Variants in WWP2 observed in about 807,000 individuals in gnomAD.
WWP2 encodes the protein NEDD4-like E3 ubiquitin-protein ligase WWP2.
Under a neutral mutation model 121.0 loss-of-function variants are expected in WWP2, and 57 were observed. That is an observed-to-expected ratio of 0.47 (90% CI 0.38 to 0.59). WWP2 has a LOEUF of 0.59. WWP2 is among the 20% of genes least tolerant of loss of function. The pLI, the probability that WWP2 is intolerant of heterozygous loss-of-function variation, is 0.00. For synonymous variants in WWP2, 449 were observed against 441.3 expected (o/e 1.02, Z -0.22); for missense variants, 962 against 1,158.9 (o/e 0.83, Z 2.47).
At chr16:69,795,581 G>T (rs545739645) in intron 2 of WWP2, among the ~76,000 whole-genome samples, 2 of 150,362 alleles carry the variant, frequency 1.3e-5, no homozygotes, top group African/African-American at 4.9e-5. Context: ...ATAACAATTG[G>T]TGAAGAGTAT....
In WWP2 at chr16:69,844,750, T is replaced by A. The variant is rs184291299; in HGVS notation, c.575+2630T>A. ...TGGTGAGCAAGGTACCTTCCGATAGTGTAAGCCTTATCGGAGTCCTCTGCA... is the reference window on the plus strand; with the variant it reads ...TGGTGAGCAAGGTACCTTCCGATAGAGTAAGCCTTATCGGAGTCCTCTGCA... On this transcript the variant is annotated intron_variant, in intron 6 of 23. Transcript: ENST00000359154. Among the ~76,000 whole-genome samples the A allele has an allele frequency of 1.4e-4, 22 of 152,336 alleles. No individual in the cohort carries two copies. In the East Asian group the frequency reaches 1.9e-3, roughly 13 times the overall value.
chr16:69,903,741 C>G (rs1167880629), intron 8 of WWP2, among the ~76,000 whole-genome samples: 1 of 148,018 alleles, frequency 6.8e-6, no homozygotes, highest in East Asian at 2.0e-4. Context: ...GCCCTCCAGC[C>G]TGGCGACAGA....
At chr16:69,909,401 C>A (rs2058348011) in intron 9 of WWP2, 3 of 985,880 alleles carry the variant, frequency 3.0e-6, no homozygotes, top group Non-Finnish European at 3.6e-6. Context: ...CACACTTCCC[C>A]TGCCCTGAGT....
chr16:69,935,999 C>T lies in WWP2; in HGVS notation c.1976+13C>T. On this transcript the variant is annotated intron_variant, in intron 18 of 23. Transcript: ENST00000359154. This position sits in a 1 kb window ranked among gnomAD's most constrained non-coding sequence, Gnocchi z 5.2. ...TTGTCTGGATCAAGTGAGTTCCCTG[C>T]CCCCTTGCCCCACCGCGCTGATAGG... 2 of 1,612,666 alleles carry T rather than the reference C, an allele frequency of 1.2e-6. No individual in the cohort carries two copies. The highest frequency in any genetic ancestry group is 1.7e-6 in the Non-Finnish European group (2 of 1,179,396).
chr16:69,830,037 G>A (rs531499382), intron 4 of WWP2, among the ~76,000 whole-genome samples: 40 of 151,326 alleles, frequency 2.6e-4, no homozygotes, highest in African/African-American at 9.0e-4. Context: ...TCATTGCAGC[G>A]TTCGCCTCCT....
chr16:69,879,073 A>G (rs2057781457), intron 7 of WWP2, among the ~76,000 whole-genome samples: 1 of 152,136 alleles, frequency 6.6e-6, no homozygotes, highest in Admixed American at 6.5e-5. Flanking sequence ...CTCATTTACT[A>G]GTTGCTTAAC....
At chr16:69,891,078 C>T (rs755616892) in intron 8 of WWP2, among the ~76,000 whole-genome samples, 3 of 152,090 alleles carry the variant, frequency 2.0e-5, no homozygotes, top group Non-Finnish European at 4.4e-5. Flanking sequence ...TGACTCGGGG[C>T]CTGGAGATCG....
intron 9 of WWP2, among the ~76,000 whole-genome samples, chr16:69,914,630 G>C (rs1216030221): frequency 6.6e-6 from 1 of 152,074 alleles, no homozygotes; most frequent in Non-Finnish European, 1.5e-5. Flanking sequence ...GGTGGTGCGT[G>C]CCTGTAGTCC....
chr16:69,935,755 G>C lies in WWP2; in HGVS notation c.1843-98G>C. 1 of 1,506,386 alleles carries C rather than the reference G, an allele frequency of 6.6e-7. No individual in the cohort carries two copies. Among genetic ancestry groups the C allele is most frequent in the Non-Finnish European group, 8.9e-7 (1 of 1,123,782 alleles). 93.3% of individuals were successfully genotyped at this position (1,506,386 alleles called of 1,614,324 possible). On this transcript the variant is annotated intron_variant, in intron 17 of 23. Coordinates refer to ENST00000359154, the MANE Select transcript of WWP2 (RefSeq NM_001270454.2). The surrounding 1 kb of genome is among the most constrained non-coding windows in gnomAD (Gnocchi z 5.2). ...TGTAGTTCTGTCAGGGAAGGAAGGC[G>C]GGTAGCGGTAGCAGAGTTTGATACC... is the stretch of plus-strand genomic sequence containing the variant.
rs372377821 is a variant in WWP2 at position 69,881,378 on chromosome 16, C to T, written c.704-6661C>T. On this transcript the variant is annotated intron_variant, in intron 7 of 23. Coordinates refer to ENST00000359154, the MANE Select transcript of WWP2 (RefSeq NM_001270454.2). ...AGTGAAATGGGAATAATAATATCTT[C>T]CTCATAAGGGCATTGGGAGGATCAA... is the stretch of plus-strand genomic sequence containing the variant. Among the ~76,000 whole-genome samples, 56 of 152,310 alleles carry T rather than the reference C, an allele frequency of 3.7e-4. No homozygotes were observed. The South Asian group carries it at 0.012, about 32-fold the overall frequency.
chr16:69,940,045 G>C lies in WWP2; in HGVS notation c.*105G>C. ...CCCTTGGGAGGCCCCCGTGGATGTG[G>C]CCCTGTGTGGGACCACACTGTCATC... is the stretch of plus-strand genomic sequence containing the variant. On this transcript the variant is annotated 3_prime_UTR_variant, in exon 24 of 24. Coordinates refer to ENST00000359154, the MANE Select transcript of WWP2 (RefSeq NM_001270454.2). 1 of 906,472 alleles carries C rather than the reference G, an allele frequency of 1.1e-6. No individual in the cohort carries two copies. The highest frequency in any genetic ancestry group is 1.7e-6 in the Non-Finnish European group (1 of 596,734). The allele number at this position is 906,472 out of a possible 1,614,324, so 56.2% of individuals were successfully genotyped here.
Position 69,935,955 on chromosome 16 carries a change from C to A in WWP2, c.1945C>A (p.Pro649Thr). The change falls in exon 18 of 24, where the codon CCT becomes ACT. Residue 649 changes from proline (P) to threonine (T), a missense_variant. By Grantham distance (38) the Pro-to-Thr change is conservative (BLOSUM62 -1). Coordinates refer to ENST00000359154, the MANE Select transcript of WWP2 (RefSeq NM_001270454.2). The surrounding 1 kb of genome is among the most constrained non-coding windows in gnomAD (Gnocchi z 5.2). ...PTLKDLESID[P>T]EFYNSIVWIK... Reference sequence around the variant, plus strand: ...CCTGAAAGACCTGGAGTCCATTGACCCTGAGTTCTACAACTCCATTGTCTG... The same window carrying A: ...CCTGAAAGACCTGGAGTCCATTGACACTGAGTTCTACAACTCCATTGTCTG... 6.2e-7 allele frequency: 1 copy of A among 1,614,044 alleles called. No individual in the cohort carries two copies.
At chr16:69,781,156 G>T (rs772183729) in intron 1 of WWP2, among the ~76,000 whole-genome samples, 1 of 151,966 alleles carries the variant, frequency 6.6e-6, no homozygotes, top group Admixed American at 6.6e-5. Flanking sequence ...ACTGAGATGG[G>T]AGTCTGTCTG....
At chr16:69,786,376 C>T (rs1435476196) in intron 1 of WWP2, among the ~76,000 whole-genome samples, 1 of 151,190 alleles carries the variant, frequency 6.6e-6, no homozygotes, top group Non-Finnish European at 1.5e-5. Context: ...GAACTCCCAA[C>T]CCTGTAATCC....
intron 1 of WWP2, among the ~76,000 whole-genome samples, chr16:69,778,570 T>C (rs1470164597): frequency 2.0e-5 from 3 of 152,052 alleles, no homozygotes; most frequent in African/African-American, 7.2e-5. Flanking sequence ...TTAGGAACCT[T>C]GTCTAAGATG....
rs1225873653 is a variant in WWP2, at chr16:69,937,708, C to T, written c.2343+56C>T. ...CATTTGGGCCATCAACCAAAGGAAACGGGTCCTGAGGAGGCCTCACGCGCA... is the reference window on the plus strand; with the variant it reads ...CATTTGGGCCATCAACCAAAGGAAATGGGTCCTGAGGAGGCCTCACGCGCA... On this transcript the variant is annotated intron_variant, in intron 21 of 23. Coordinates refer to ENST00000359154, the MANE Select transcript of WWP2 (RefSeq NM_001270454.2). This position sits in a 1 kb window ranked among gnomAD's most constrained non-coding sequence, Gnocchi z 6.6. 3.2e-6 allele frequency: 5 copies of T among 1,581,474 alleles called. No individual in the cohort carries two copies. Among genetic ancestry groups the T allele is most frequent in the South Asian group, 1.1e-5 (1 of 89,698 alleles).
At position 69,875,573 on chromosome 16, in the gene WWP2, C is replaced by G. The variant is rs572844364; in HGVS notation, c.703+3642C>G. Among the ~76,000 whole-genome samples the G allele has an allele frequency of 4.0e-4, 61 of 152,360 alleles. 1 individual carries two copies. The highest frequency in any genetic ancestry group is 1.5e-3 in the African/African-American group (61 of 41,584). ...TCAAACTTTGCTGCAGCTTTATCAA[C>G]TAAGTATATGGAATATTCTAAATCC... is the stretch of plus-strand genomic sequence containing the variant. On this transcript the variant is annotated intron_variant, in intron 7 of 23. Coordinates refer to ENST00000359154, the MANE Select transcript of WWP2 (RefSeq NM_001270454.2).
At position 69,937,253 on chromosome 16, in the gene WWP2, T is replaced by C; in HGVS notation, c.2238+15T>C. 1.2e-6 allele frequency: 2 copies of C among 1,612,388 alleles called. No individual in the cohort carries two copies. Among genetic ancestry groups the C allele is most frequent in the Non-Finnish European group, 1.7e-6 (2 of 1,179,408 alleles). ...AAGAGCTGGAGGTGAGTGTCTGAGG[T>C]TGCTGGGACCCTGAGCCCCTGCCTC... On this transcript the variant is annotated intron_variant, in intron 20 of 23. Transcript: ENST00000359154. This position sits in a 1 kb window ranked among gnomAD's most constrained non-coding sequence, Gnocchi z 6.6.
intron 4 of WWP2, among the ~76,000 whole-genome samples, chr16:69,813,688 T>C (rs1267698182): frequency 6.6e-6 from 1 of 152,064 alleles, no homozygotes; most frequent in Non-Finnish European, 1.5e-5. Flanking sequence ...AGGCTGGTCT[T>C]AAACTTTTGG....
Sources: gnomAD v4.1 joint callset for allele counts (sites outside exome capture counted in the v4.1 genomes callset) on GRCh38, gnomAD v4.1.1 for gene constraint, Gnocchi (gnomAD v3.1) non-coding constraint, MANE v1.5 for transcripts, NCBI Gene and HGNC (gene_info 2026-07-23, HGNC 2026-07-21) for gene names.